Variants in SCGN observed in about 807,000 individuals in gnomAD.
SCGN encodes secretagogin.
SCGN carries 30 observed loss-of-function variants against 39.7 expected under a neutral mutation model. The observed-to-expected ratio is 0.76, with a 90% confidence interval of 0.57 to 1.03. The LOEUF (loss-of-function observed/expected upper bound fraction) is 1.03, where lower values mean the gene tolerates loss of function less well. Among genes scored for constraint, SCGN ranks in the 50% least tolerant of loss-of-function variants. SCGN has a pLI of 0.00. For synonymous variants in SCGN, 106 were observed against 114.1 expected, an observed-to-expected ratio of 0.93 and a Z score of 0.45; for missense variants, 353 against 349.4, an observed-to-expected ratio of 1.01 and a Z score of -0.08.
intron 8 of SCGN, 127 bp downstream of exon 8, chr6:25,689,344 T>C: frequency 8.7e-7 from 1 of 1,154,318 alleles, no homozygotes. Flanking sequence ...CAGACAAGGA[T>C]CAGCATGGAA....
intron 6 of SCGN, among the ~76,000 whole-genome samples, chr6:25,672,228 C>T (rs933224580): frequency 3.9e-5 from 6 of 152,168 alleles, no homozygotes; most frequent in African/African-American, 9.7e-5. Context: ...TAATTTATTC[C>T]GCAAATATTC....
In SCGN at chr6:25,659,783, TGTGCCAGGCTAAA is replaced by T. The variant is rs141401709; in HGVS notation, c.154-1765_154-1753del. ...GGTTTTATGCCTGAGAGCAACATGT[TGTGCCAGGCTAAA>T]GTGTTTTAGGACGTTTTGTTCTAGG... On this transcript the variant is annotated intron_variant, in intron 2 of 10. Coordinates refer to ENST00000377961, the MANE Select transcript of SCGN (RefSeq NM_006998.4). Among the ~76,000 whole-genome samples, 1,361 of 152,272 alleles carry T rather than the reference TGTGCCAGGCTAAA, an allele frequency of 8.9e-3. 15 individuals are homozygous for T. Among genetic ancestry groups the T allele is most frequent in the African/African-American group, 0.03 (1,229 of 41,538 alleles).
rs780784929 is a variant in SCGN, at chr6:25,669,567, CGTGA to C, written c.393+4_393+7del. ...GCTTTATATCAGCTGCTGAGCTCCG[CGTGA>C]GTGTCACTGGGTGAAGGGTGGGTTT... On this transcript the variant is annotated splice_donor_variant and splice_donor_region_variant and intron_variant, in intron 5 of 10. Transcript: ENST00000377961. LOFTEE classifies it high-confidence loss of function. 1.2e-6 allele frequency: 2 copies of C among 1,612,016 alleles called. No homozygotes were observed. The highest frequency in any genetic ancestry group is 1.3e-5 in the African/African-American group (1 of 74,960).
chr6:25,693,804 C>T (rs1213042314), intron 10 of SCGN, among the ~76,000 whole-genome samples: 2 of 152,138 alleles, frequency 1.3e-5, no homozygotes, highest in Admixed American at 6.5e-5. Flanking sequence ...GATGAGAATT[C>T]GAGCTAAGAA....
At chr6:25,672,049 C>G (rs922416212) in intron 6 of SCGN, among the ~76,000 whole-genome samples, 1 of 152,206 alleles carries the variant, frequency 6.6e-6, no homozygotes, top group Non-Finnish European at 1.5e-5. Flanking sequence ...AGCTTCCCCC[C>G]TCACCAACTT....
intron 2 of SCGN, 94 bp from the exon 3 acceptor site, chr6:25,661,456 CAT>C (rs1760335551): frequency 1.2e-6 from 1 of 854,520 alleles, no homozygotes; most frequent in Non-Finnish European, 1.9e-6. Flanking sequence ...GTTTGAAAAA[CAT>C]AATTTTCACG....
intron 9 of SCGN, among the ~76,000 whole-genome samples, chr6:25,690,821 C>T (rs990431115): frequency 2.0e-5 from 3 of 152,146 alleles, no homozygotes; most frequent in Non-Finnish European, 2.9e-5. Context: ...CTGCAAAAGC[C>T]GAGGAACTCA....
intron 2 of SCGN, among the ~76,000 whole-genome samples, chr6:25,657,173 A>C (rs1760241099): frequency 6.6e-6 from 1 of 152,194 alleles, no homozygotes; most frequent in Admixed American, 6.5e-5. Context: ...CCTGGTTGAC[A>C]GAAGAACCTG....
At chr6:25,668,983 T>C (rs1047629766) in intron 4 of SCGN, among the ~76,000 whole-genome samples, 16 of 151,866 alleles carry the variant, frequency 1.1e-4, no homozygotes, top group African/African-American at 2.9e-4. Context: ...TGGTGGTGGG[T>C]GCCTGTAGTC....
At chr6:25,683,627 A>G (rs1182806155) in intron 7 of SCGN, among the ~76,000 whole-genome samples, 2 of 148,216 alleles carry the variant, frequency 1.3e-5, no homozygotes, top group Non-Finnish European at 3.0e-5. Flanking sequence ...TGCACATTTC[A>G]GTGTATAAGT....
rs942363710 is a variant in SCGN, at chr6:25,685,337, A to G, written c.527+3331A>G. 2.6e-5 allele frequency among the ~76,000 whole-genome samples: 4 copies of G among 152,210 alleles called. No individual in the cohort carries two copies. In the East Asian group the frequency reaches 7.7e-4, roughly 29 times the overall value. On this transcript the variant is annotated intron_variant, in intron 7 of 10. Transcript: ENST00000377961. ...TTCCAGATAGGATTTTTCTCTCTCT[A>G]CTTTCAGCTGTGAAATGCAGTTCAA...
chr6:25,677,544 A>G (rs575702309), intron 6 of SCGN, among the ~76,000 whole-genome samples: 61 of 152,360 alleles, frequency 4.0e-4, no homozygotes, highest in Admixed American at 6.5e-4. Context: ...TTAAAAAAAT[A>G]ACTGCTAAAG....
intron 2 of SCGN, among the ~76,000 whole-genome samples, chr6:25,657,702 T>C (rs1220483129): frequency 6.8e-6 from 1 of 147,076 alleles, no homozygotes; most frequent in Non-Finnish European, 1.5e-5. Context: ...TATGTGTATG[T>C]GTGTGTGTGC....
intron 4 of SCGN, 95 bp from the exon 5 acceptor site, chr6:25,669,416 A>G: frequency 9.2e-7 from 1 of 1,085,570 alleles, no homozygotes. Flanking sequence ...CCATTCAGTT[A>G]AGTACTGTTT....
chr6:25,652,497 A>G lies in SCGN; in HGVS notation c.82+12A>G. 2 of 1,613,240 alleles carry G rather than the reference A, an allele frequency of 1.2e-6. No individual in the cohort carries two copies. The highest frequency in any genetic ancestry group is 1.7e-6 in the Non-Finnish European group (2 of 1,179,540). On this transcript the variant is annotated intron_variant, in intron 1 of 10. Transcript: ENST00000377961. Reference sequence around the variant, plus strand: ...CTTTGATGCGGATGGTGAGTAGAACAAGCCACTTGCACACTCAGGTGTAGA... The same window carrying G: ...CTTTGATGCGGATGGTGAGTAGAACGAGCCACTTGCACACTCAGGTGTAGA...
Position 25,701,208 on chromosome 6 carries a change from C to G in SCGN, c.704C>G (p.Pro235Arg). ...ACATGTTACTTTTGTCGCCCTCAGC[C>G]CAGCATCAGCGGGGTGGACCTTGAT... Reference protein sequence around the residue: ...FVKDMMELVQPSISGVDLDKF... With the variant: ...FVKDMMELVQRSISGVDLDKF... Residue 235 changes from proline to arginine, a missense_variant and splice_region_variant, in exon 11 of 11, where the codon CCC becomes CGC. By Grantham distance (103) the Pro-to-Arg change is moderately radical. Transcript: ENST00000377961. 6.2e-7 allele frequency: 1 copy of G among 1,610,340 alleles called. No homozygotes were observed. The highest frequency in any genetic ancestry group is 8.5e-7 in the Non-Finnish European group (1 of 1,178,394).
At chr6:25,686,814 A>G (rs1051386266) in intron 7 of SCGN, among the ~76,000 whole-genome samples, 62 of 152,106 alleles carry the variant, frequency 4.1e-4, no homozygotes, top group African/African-American at 1.4e-3. Flanking sequence ...TCCTTCTAAG[A>G]GTTATATAAA....
In SCGN at chr6:25,701,419, A is replaced by C; in HGVS notation, c.*84A>C. The C allele has an allele frequency of 5.3e-6, 8 of 1,518,218 alleles. No individual in the cohort carries two copies. The highest frequency in any genetic ancestry group is 7.1e-6 in the Non-Finnish European group (8 of 1,122,340). 94.0% of individuals were successfully genotyped at this position (1,518,218 alleles called of 1,614,324 possible). On this transcript the variant is annotated 3_prime_UTR_variant, in exon 11 of 11. Coordinates refer to ENST00000377961, the MANE Select transcript of SCGN (RefSeq NM_006998.4). ...GTATCTGTGCATTGATGTTGGGAAC[A>C]CAGTGGGCAAACTCACAAATGGTGT... is the stretch of plus-strand genomic sequence containing the variant.
intron 4 of SCGN, among the ~76,000 whole-genome samples, chr6:25,667,477 C>T (rs1229034033): frequency 6.6e-6 from 1 of 152,166 alleles, no homozygotes; most frequent in Non-Finnish European, 1.5e-5. Context: ...ACCACAGGGT[C>T]TTAACACACT....
Sources: allele counts gnomAD v4.1 joint callset (sites outside exome capture counted in the v4.1 genomes callset), GRCh38; gene constraint gnomAD v4.1.1; transcripts MANE v1.5; gene names NCBI Gene and HGNC (gene_info 2026-07-23, HGNC 2026-07-21).